Variants in SLC29A1 observed in about 807,000 individuals in gnomAD.
The protein encoded by SLC29A1 is solute carrier family 29 member 1 (Augustine blood group).
A neutral mutation model predicts 48.3 loss-of-function variants in SLC29A1; 22 were observed. The observed-to-expected ratio is 0.46, with a 90% CI of 0.33 to 0.65. The LOEUF (loss-of-function observed/expected upper bound fraction) is 0.65. Ranked by LOEUF, SLC29A1 falls within the 30% of genes least tolerant of loss-of-function variation. The pLI, the probability that SLC29A1 is intolerant of heterozygous loss-of-function variation, is 0.03. For missense variants in SLC29A1, 491 were observed against 575.3 expected, an observed-to-expected ratio of 0.85 and a Z score of 1.50; for synonymous variants, 228 against 231.0, an observed-to-expected ratio of 0.99 and a Z score of 0.12.
In SLC29A1 at chr6:44,229,836, T is replaced by G. The variant is rs778380631; in HGVS notation, c.314+45T>G. The stretch of plus-strand genomic sequence containing the variant: ...CCAGCCCCCAGCCTGACCCTCACTG[T>G]GTCCTGCACCCCCTTGGCTGAGCCC... On this transcript the variant is annotated intron_variant, in intron 4 of 12. Coordinates refer to ENST00000371755, the MANE Select transcript of SLC29A1 (RefSeq NM_001372327.1). This position sits in a 1 kb window ranked among gnomAD's most constrained non-coding sequence, Gnocchi z 5.1. 3.6e-5 allele frequency: 57 copies of G among 1,595,008 alleles called. No homozygotes were observed. Among genetic ancestry groups the G allele is most frequent in the Non-Finnish European group, 4.7e-5 (55 of 1,165,258 alleles).
In SLC29A1 at chr6:44,223,980, C is replaced by T. The variant is rs1314843010; in HGVS notation, c.-52+339C>T. ...GGTCGGTATCAGGGAGGGGCCGTGC[C>T]GCTGACTGCGCTGGCGGAGGGGTAT... On this transcript the variant is annotated intron_variant, in intron 1 of 12. Coordinates refer to ENST00000371755, the MANE Select transcript of SLC29A1 (RefSeq NM_001372327.1). The surrounding 1 kb of genome is among the most constrained non-coding windows in gnomAD (Gnocchi z 5.0). The T allele has an allele frequency of 8.2e-6, 8 of 978,794 alleles. No individual in the cohort carries two copies. The African/African-American group carries it at 1.1e-4, about 13-fold the overall frequency. The allele number at this position is 978,794 out of a possible 1,614,324, so 60.6% of individuals were successfully genotyped here.
Position 44,233,725 on chromosome 6 carries a change from G to T in SLC29A1, c.*197G>T. Reference sequence around the variant, plus strand: ...GGACAGTGGGGACATTGTGGGTTTGGGGCTCAGAGTCGAGGGACGGGGTGT... The same window carrying T: ...GGACAGTGGGGACATTGTGGGTTTGTGGCTCAGAGTCGAGGGACGGGGTGT... On this transcript the variant is annotated 3_prime_UTR_variant, in exon 13 of 13. Coordinates refer to ENST00000371755, the MANE Select transcript of SLC29A1 (RefSeq NM_001372327.1). 1 of 594,158 alleles carries T rather than the reference G, an allele frequency of 1.7e-6. No individual in the cohort carries two copies. The allele number at this position is 594,158 out of a possible 1,614,324, so 36.8% of individuals were successfully genotyped here.
At position 44,230,042 on chromosome 6, in the gene SLC29A1, T is replaced by C. The variant is rs1309046341; in HGVS notation, c.450T>C (p.Ile150=). 6.2e-7 allele frequency: 1 copy of C among 1,606,290 alleles called. No homozygotes were observed. Among genetic ancestry groups the C allele is most frequent in the Non-Finnish European group, 8.5e-7 (1 of 1,179,992 alleles). ...FVITMIKIVL[I]NSFGAILQGS... ...TCACCATGATCAAGATCGTGCTCAT[T>C]AATTGTAAGCTGGGCCAGGAGGGGG... Residue 150 remains isoleucine (I), a synonymous_variant, in exon 5 of 13, where the codon ATT becomes ATC. Coordinates refer to ENST00000371755, the MANE Select transcript of SLC29A1 (RefSeq NM_001372327.1).
intron 1 of SLC29A1, among the ~76,000 whole-genome samples, chr6:44,226,335 C>G (rs1777512501): frequency 6.6e-6 from 1 of 152,168 alleles, no homozygotes; most frequent in Admixed American, 6.5e-5. Context: ...GGGGTCTCCC[C>G]CTACACAAAT....
intron 9 of SLC29A1, among the ~76,000 whole-genome samples, 164 bp downstream of exon 9, chr6:44,231,625 G>A (rs995308231): frequency 2.0e-5 from 3 of 151,974 alleles, no homozygotes; most frequent in Non-Finnish European, 2.9e-5. Flanking sequence ...CGGGGGTGGG[G>A]ATTCGTGGTT....
chr6:44,227,090 G>C, intron 1 of SLC29A1, 173 bp from the exon 2 acceptor site: 1 of 1,410,396 alleles, frequency 7.1e-7, no homozygotes, highest in Non-Finnish European at 9.2e-7. Context: ...TGCTGGGCCA[G>C]GGGGCTGGGT....
upstream of SLC29A1, chr6:44,221,720 C>T (rs779495277): frequency 6.2e-6 from 7 of 1,125,718 alleles, no homozygotes; most frequent in South Asian, 9.0e-5. The surrounding 1 kb of genome is among the most constrained non-coding windows in gnomAD (Gnocchi z 4.2). Flanking sequence ...CAGCAGGGGG[C>T]CCTGGCACCC....
In SLC29A1 at chr6:44,230,243, C is replaced by T. The variant is rs192782856; in HGVS notation, c.455-104C>T. ...GGCAGAGAGAAGGGCAGCTCAGCCTCAAGGCTCACCAAGAGTAAAGTAGGA... is the reference window on the plus strand; with the variant it reads ...GGCAGAGAGAAGGGCAGCTCAGCCTTAAGGCTCACCAAGAGTAAAGTAGGA... On this transcript the variant is annotated intron_variant, in intron 5 of 12. Transcript: ENST00000371755. The T allele has an allele frequency of 3.1e-4, 475 of 1,538,972 alleles. 2 individuals are homozygous for T. In the African/African-American group the frequency reaches 5.4e-3, roughly 17 times the overall value.
intron 9 of SLC29A1, 25 bp from the exon 10 acceptor site, chr6:44,231,973 G>T: frequency 1.3e-6 from 2 of 1,527,710 alleles, no homozygotes; most frequent in South Asian, 2.2e-5. Context: ...ACAGGCATTT[G>T]GGTGACTCTA....
intron 8 of SLC29A1, among the ~76,000 whole-genome samples, 171 bp downstream of exon 8, chr6:44,231,060 G>A (rs1004259381): frequency 2.6e-5 from 4 of 152,176 alleles, no homozygotes; most frequent in Non-Finnish European, 5.9e-5. Flanking sequence ...GGCCGGCAAT[G>A]ATAAAATGGG....
At chr6:44,233,393 C>T (rs765223027) in intron 12 of SLC29A1, 24 bp from the exon 13 acceptor site, 1 of 1,588,344 alleles carries the variant, frequency 6.3e-7, no homozygotes, top group East Asian at 2.2e-5. Flanking sequence ...TCTGAGGTAG[C>T]CTTGCCCTTC....
In SLC29A1 at chr6:44,229,737, G is replaced by A; in HGVS notation, c.260G>A (p.Cys87Tyr). 1 of 1,613,908 alleles carries A rather than the reference G, an allele frequency of 6.2e-7. No homozygotes were observed. Residue 87 changes from cysteine (C) to tyrosine (Y), a missense_variant, in exon 4 of 13, where the codon TGT (cysteine) becomes TAT (tyrosine). Physicochemically the swap from Cys to Tyr is radical, Grantham distance 194. Transcript: ENST00000371755. This position sits in a 1 kb window ranked among gnomAD's most constrained non-coding sequence, Gnocchi z 5.1. Reference sequence around the variant, plus strand: ...ATCTTCAACAATGTCATGACCCTATGTGCCATGCTGCCCCTGCTGTTATTC... The same window carrying A: ...ATCTTCAACAATGTCATGACCCTATATGCCATGCTGCCCCTGCTGTTATTC... ...SAIFNNVMTL[C>Y]AMLPLLLFTY...
chr6:44,231,134 C>G lies in SLC29A1; in HGVS notation c.767-230C>G, dbSNP rs147806859. On this transcript the variant is annotated intron_variant, in intron 8 of 12. Transcript: ENST00000371755. ...GACTAAAGGCAGTGGGAAGCAATTT[C>G]AGATTCTTGAGTGAGGAGTAACATG... Among the ~76,000 whole-genome samples the G allele has an allele frequency of 1.1e-3, 160 of 152,250 alleles. 2 individuals carry two copies. Among genetic ancestry groups the G allele is most frequent in the Middle Eastern group, 6.8e-3 (2 of 294 alleles).
rs1421706166 is a variant in SLC29A1, at chr6:44,233,471, G to T, written c.1314G>T (p.Leu438=). ...CAGGAGCCATCATGGCCTTCTTCCT[G>T]TGTCTGGGTCTGGCACTGGGGGCTG... ...ETAGAIMAFF[L]CLGLALGAVF... is the part of the protein sequence containing the mutation. The change falls in exon 13 of 13, where the codon CTG becomes CTT. Residue 438 remains leucine (L), a synonymous_variant. Coordinates refer to ENST00000371755, the MANE Select transcript of SLC29A1 (RefSeq NM_001372327.1). 1 of 1,614,188 alleles carries T rather than the reference G, an allele frequency of 6.2e-7. No homozygotes were observed. Among genetic ancestry groups the T allele is most frequent in the South Asian group, 1.1e-5 (1 of 91,090 alleles).
intron 1 of SLC29A1, among the ~76,000 whole-genome samples, chr6:44,225,507 CAAAAAAAA>C (rs35204127): frequency 2.9e-5 from 3 of 102,842 alleles, no homozygotes; most frequent in Non-Finnish European, 5.9e-5. Context: ...AACTCCGTCT[CAAAAAAAA>C]AAAAAAAAAG....
At chr6:44,231,590 T>G in intron 9 of SLC29A1, 129 bp downstream of exon 9, 1 of 678,348 alleles carries the variant, frequency 1.5e-6, no homozygotes, top group African/African-American at 1.8e-5. Context: ...CTTTTGTGTG[T>G]GCGTGCGTGC....
At chr6:44,222,963 T>A (rs1311128759), upstream of SLC29A1, among the ~76,000 whole-genome samples, 1 of 152,118 alleles carries the variant, frequency 6.6e-6, no homozygotes, top group African/African-American at 2.4e-5. Context: ...CCCCTCCAAG[T>A]CAAAGTTGTG....
intron 1 of SLC29A1, 53 bp from the exon 2 acceptor site, chr6:44,227,210 G>T: frequency 6.4e-7 from 1 of 1,556,008 alleles, no homozygotes; most frequent in Non-Finnish European, 8.8e-7. Context: ...AGAGCCTGAG[G>T]AGGCCTATGG....
At chr6:44,227,603 G>A (rs367924658) in intron 2 of SLC29A1, among the ~76,000 whole-genome samples, 3 of 152,204 alleles carry the variant, frequency 2.0e-5, no homozygotes, top group African/African-American at 7.2e-5. Flanking sequence ...GCCAGTTAGC[G>A]GCTTTCGGCT....
Sources: gnomAD v4.1 joint callset for allele counts (sites outside exome capture counted in the v4.1 genomes callset) on GRCh38, gnomAD v4.1.1 for gene constraint, Gnocchi (gnomAD v3.1) non-coding constraint, MANE v1.5 for transcripts, NCBI Gene and HGNC (gene_info 2026-07-23, HGNC 2026-07-21) for gene names.